ANKMY1: variants seen among roughly 807,000 people sequenced by gnomAD.
ANKMY1 encodes the protein ankyrin repeat and MYND domain-containing protein 1.
In ANKMY1, 98 loss-of-function variants were observed where a neutral mutation model predicts 102.0. The observed-to-expected ratio is 0.96, with a 90% CI of 0.82 to 1.14. The LOEUF (loss-of-function observed/expected upper bound fraction) is 1.14. Among genes scored for constraint, ANKMY1 ranks in the 50% most tolerant of loss-of-function variants. ANKMY1 has a pLI of 0.00. For missense variants in ANKMY1, 1,330 were observed against 1,347.6 expected, an observed-to-expected ratio of 0.99 and a Z score of 0.20; for synonymous variants, 582 against 559.9, an observed-to-expected ratio of 1.04 and a Z score of -0.56.
chr2:240,484,541 C>T (rs571663922), intron 15 of ANKMY1, among the ~76,000 whole-genome samples: 3 of 152,252 alleles, frequency 2.0e-5, no homozygotes, highest in African/African-American at 4.8e-5. Context: ...ACACCTTATA[C>T]AAAAATTAAC....
chr2:240,523,592 C>T (rs1244645786), intron 8 of ANKMY1: 1 of 465,476 alleles, frequency 2.1e-6, no homozygotes, highest in Non-Finnish European at 3.9e-6. Flanking sequence ...CCCACAGAGA[C>T]ACTTCAGGCC....
chr2:240,500,849 G>A (rs2078056764), intron 13 of ANKMY1, among the ~76,000 whole-genome samples: 1 of 152,230 alleles, frequency 6.6e-6, no homozygotes, highest in Non-Finnish European at 1.5e-5. Context: ...CAGCACCATA[G>A]AATCGACAGA....
chr2:240,552,710 G>T, intron 4 of ANKMY1: 1 of 724,256 alleles, frequency 1.4e-6, no homozygotes, highest in East Asian at 2.9e-5. Flanking sequence ...CAATTTGCTG[G>T]TATCCCTCTG....
chr2:240,485,817 T>C (rs1208864423), intron 15 of ANKMY1, among the ~76,000 whole-genome samples: 1 of 152,134 alleles, frequency 6.6e-6, no homozygotes, highest in Non-Finnish European at 1.5e-5. Context: ...GGTCTTAAAC[T>C]CCTGGGCTCA....
intron 4 of ANKMY1, among the ~76,000 whole-genome samples, chr2:240,546,395 G>A (rs867954225): frequency 5.3e-5 from 8 of 152,256 alleles, no homozygotes; most frequent in South Asian, 4.1e-4. Flanking sequence ...GATACCAGCC[G>A]CTGCAAAATC....
Position 240,511,886 on chromosome 2 carries a change from G to A in ANKMY1, c.2261C>T (p.Ala754Val). The A allele has an allele frequency of 6.3e-7, 1 of 1,592,200 alleles. No homozygotes were observed. Among genetic ancestry groups the A allele is most frequent in the East Asian group, 2.3e-5 (1 of 42,908 alleles). ...EEGGRTALHM[A>V]CEREDDNKCA... ...CTTGTTGTCATCCTCCCGCTCGCAGGCCATGTGCAGAGCCGTCCTGCCCCC... is the reference window on the plus strand; with the variant it reads ...CTTGTTGTCATCCTCCCGCTCGCAGACCATGTGCAGAGCCGTCCTGCCCCC... Residue 754 changes from alanine (A) to valine (V), a missense_variant, in exon 11 of 18, where the codon GCC becomes GTC. Physicochemically the swap from Ala to Val is moderately conservative, Grantham distance 64 (BLOSUM62 0). Transcript: ENST00000401804.
chr2:240,521,037 G>C (rs2082139994), intron 8 of ANKMY1, among the ~76,000 whole-genome samples: 1 of 152,122 alleles, frequency 6.6e-6, no homozygotes, highest in Non-Finnish European at 1.5e-5. Flanking sequence ...AGGCTGGCCA[G>C]GTCAGGAGTA....
chr2:240,503,757 T>G (rs1040393893), intron 13 of ANKMY1, among the ~76,000 whole-genome samples: 1 of 152,296 alleles, frequency 6.6e-6, no homozygotes. Flanking sequence ...AAAAGGTAAG[T>G]TGAAGTCCTA....
At chr2:240,491,433 T>C (rs550859419) in intron 15 of ANKMY1, among the ~76,000 whole-genome samples, 12 of 152,350 alleles carry the variant, frequency 7.9e-5, no homozygotes, top group Admixed American at 2.6e-4. Context: ...TACTTTGGCA[T>C]TGTGCTTTGG....
intron 11 of ANKMY1, among the ~76,000 whole-genome samples, chr2:240,511,199 C>T (rs142185758): frequency 6.6e-6 from 1 of 152,334 alleles, no homozygotes; most frequent in East Asian, 1.9e-4. Flanking sequence ...CTCCTGCACA[C>T]TCATCCTCAC....
rs375615369 is a variant in ANKMY1, at chr2:240,529,443, C to G, written c.547G>C (p.Val183Leu). The change falls in exon 5 of 18, where the codon GTG (valine) becomes CTG (leucine). Residue 183 changes from valine to leucine, a missense_variant. Coordinates refer to ENST00000401804, the MANE Select transcript of ANKMY1 (RefSeq NM_001282771.3). The surrounding 1 kb of genome is among the most constrained non-coding windows in gnomAD (Gnocchi z 4.2). The stretch of plus-strand genomic sequence containing the variant: ...AGCTGCTCTCGGAACCACAGCCCCA[C>G]GTCCTGGCTGCCATCGGGGTAGGTC... ...VETYPDGSQD[V>L]GLWFREQLIK... is the part of the protein sequence containing the mutation. 6.2e-7 allele frequency: 1 copy of G among 1,614,116 alleles called. No individual in the cohort carries two copies. The highest frequency in any genetic ancestry group is 1.7e-5 in the Admixed American group (1 of 60,020).
At chr2:240,554,548 C>T in intron 3 of ANKMY1, 1 of 282,972 alleles carries the variant, frequency 3.5e-6, no homozygotes. Context: ...TAAGCCTAGA[C>T]ACAGGCAATT....
chr2:240,485,015 G>T (rs866842250), intron 15 of ANKMY1, among the ~76,000 whole-genome samples: 16 of 152,156 alleles, frequency 1.1e-4, no homozygotes, highest in South Asian at 2.1e-4. Context: ...TCTCATGCCA[G>T]TTAGAATGGT....
rs199589162 is a variant in ANKMY1 at position 240,525,735 on chromosome 2, C to T, written c.1285G>A (p.Ala429Thr). Residue 429 changes from alanine (A) to threonine (T), a missense_variant, in exon 7 of 18, where the codon GCC becomes ACC. Coordinates refer to ENST00000401804, the MANE Select transcript of ANKMY1 (RefSeq NM_001282771.3). ...GCAACATTGGGCTTGAAGGACTGGG[C>T]GGGGTAGTGGAGGAGGAAACACATG... ...LSMCFLLHYP[A>T]QSFKPNVAER... 76 of 1,614,056 alleles carry T rather than the reference C, an allele frequency of 4.7e-5. No individual in the cohort carries two copies. The highest frequency in any genetic ancestry group is 2.5e-4 in the African/African-American group (19 of 75,012).
intron 4 of ANKMY1, among the ~76,000 whole-genome samples, chr2:240,552,242 G>A (rs76165941): frequency 0.026 from 3,944 of 152,266 alleles, 84 homozygotes; most frequent in Non-Finnish European, 0.038. Context: ...GATCTAGAGC[G>A]AACCCCTGGT....
intron 15 of ANKMY1, among the ~76,000 whole-genome samples, chr2:240,493,892 T>C (rs994588314): frequency 8.5e-5 from 13 of 152,180 alleles, no homozygotes; most frequent in Admixed American, 1.3e-4. Context: ...CTTGGATCCC[T>C]GGGCAGCTGA....
In ANKMY1 at chr2:240,510,859, T is replaced by G. The variant is rs551497162; in HGVS notation, c.2286+1002A>C. ...TCCCCACAACTTTCCCAATCTGTCA[T>G]CAGGACACAAGTGTGCGAACAGAAA... On this transcript the variant is annotated intron_variant, in intron 11 of 17. Transcript: ENST00000401804. Among the ~76,000 whole-genome samples, 27 of 151,564 alleles carry G rather than the reference T, an allele frequency of 1.8e-4. No homozygotes were observed. In the East Asian group the frequency reaches 4.7e-3, roughly 27 times the overall value.
At chr2:240,498,044 G>T (rs908799491) in intron 15 of ANKMY1, among the ~76,000 whole-genome samples, 3 of 151,342 alleles carry the variant, frequency 2.0e-5, no homozygotes, top group African/African-American at 7.3e-5. Context: ...CCCAAGTGGG[G>T]CTCTACACAA....
Position 240,552,980 on chromosome 2 carries a change from C to T in ANKMY1, c.414G>A (p.Thr138=), listed in dbSNP as rs779744579. 8.6e-5 allele frequency: 139 copies of T among 1,612,796 alleles called. No individual in the cohort carries two copies. Among genetic ancestry groups the T allele is most frequent in the Non-Finnish European group, 1.0e-4 (118 of 1,179,672 alleles). ...TYMWPDGSSF[T]GTFYLSHREG... ...CTCGGTGGCTGAGGTAAAATGTGCC[C>T]GTGAAACTGGAGCCATCTGGCCACA... is the stretch of plus-strand genomic sequence containing the variant. Residue 138 remains threonine (T), a synonymous_variant, in exon 4 of 18, where the codon ACG becomes ACA. Coordinates refer to ENST00000401804, the MANE Select transcript of ANKMY1 (RefSeq NM_001282771.3).
Sources: gnomAD v4.1 joint callset for allele counts (sites outside exome capture counted in the v4.1 genomes callset) on GRCh38, gnomAD v4.1.1 for gene constraint, Gnocchi (gnomAD v3.1) non-coding constraint, MANE v1.5 for transcripts, NCBI Gene and HGNC (gene_info 2026-07-23, HGNC 2026-07-21) for gene names.